RIMBP2: variants seen among roughly 807,000 people sequenced by gnomAD.
The protein encoded by RIMBP2 is RIMS binding protein 2.
RIMBP2 carries 48 observed loss-of-function variants against 118.6 expected under a neutral mutation model. The ratio of observed to expected loss-of-function variants is 0.40; its 90% CI spans 0.32 to 0.51. The LOEUF (loss-of-function observed/expected upper bound fraction) is 0.51, where lower values mean the gene tolerates loss of function less well. Ranked by LOEUF, RIMBP2 falls within the 20% of genes least tolerant of loss-of-function variation. RIMBP2 has a pLI of 0.41. For missense variants in RIMBP2, 1,551 were observed against 1,768.3 expected, an observed-to-expected ratio of 0.88 and a Z score of 2.20; for synonymous variants, 762 against 742.9, an observed-to-expected ratio of 1.03 and a Z score of -0.42.
At chr12:130,650,746 A>G (rs1469144804) in intron 1 of RIMBP2, among the ~76,000 whole-genome samples, 1 of 151,862 alleles carries the variant, frequency 6.6e-6, no homozygotes, top group African/African-American at 2.4e-5. Context: ...TGTTTTCTTA[A>G]CCGATCATTG....
chr12:130,598,556 ATC>A (rs1483891247), intron 2 of RIMBP2, among the ~76,000 whole-genome samples: 3 of 152,054 alleles, frequency 2.0e-5, no homozygotes, highest in Non-Finnish European at 2.9e-5. Context: ...GTGAAACCCC[ATC>A]TCTACTAAAA....
In RIMBP2 at chr12:130,412,599, G is replaced by A. The variant is rs761976370; in HGVS notation, c.3589+20C>T. On this transcript the variant is annotated intron_variant, in intron 19 of 22. Coordinates refer to ENST00000690449, the MANE Select transcript of RIMBP2 (RefSeq NM_001393629.1). ...TGGGATAAAATGCACAGGGAAGGTC[G>A]AATAGGGGTTTGCGCTTACCTATTT... 6.8e-6 allele frequency: 11 copies of A among 1,609,406 alleles called. No individual in the cohort carries two copies. Among genetic ancestry groups the A allele is most frequent in the Admixed American group, 1.7e-5 (1 of 59,710 alleles).
chr12:130,596,855 G>T (rs1252351710), intron 2 of RIMBP2, among the ~76,000 whole-genome samples: 1 of 152,182 alleles, frequency 6.6e-6, no homozygotes, highest in Non-Finnish European at 1.5e-5. Flanking sequence ...ACATTAAATG[G>T]ATGAATTTCG....
intron 2 of RIMBP2, among the ~76,000 whole-genome samples, chr12:130,553,110 A>C (rs1212939881): frequency 1.3e-5 from 2 of 151,140 alleles, no homozygotes; most frequent in African/African-American, 2.4e-5. Context: ...CCGAGATCGC[A>C]CCACTGCACT....
chr12:130,660,780 C>G (rs2063625552), intron 1 of RIMBP2: 1 of 152,214 alleles, frequency 6.6e-6, no homozygotes, highest in South Asian at 2.1e-4. Context: ...CCCCTTGAAC[C>G]CATGTGCAAT....
chr12:130,624,570 C>G (rs1357449335), intron 2 of RIMBP2, among the ~76,000 whole-genome samples: 4 of 152,172 alleles, frequency 2.6e-5, no homozygotes, highest in Admixed American at 1.3e-4. Context: ...GAATTAGGAA[C>G]AGGAAATATT....
chr12:130,411,951 G>T (rs1248678302), intron 19 of RIMBP2, among the ~76,000 whole-genome samples: 1 of 152,006 alleles, frequency 6.6e-6, no homozygotes, highest in Non-Finnish European at 1.5e-5. Flanking sequence ...CCTTAAATAT[G>T]AATGATATAA....
intron 2 of RIMBP2, among the ~76,000 whole-genome samples, chr12:130,535,773 A>G (rs1026663591): frequency 5.4e-5 from 5 of 92,278 alleles, no homozygotes; most frequent in African/African-American, 1.7e-4. Flanking sequence ...ATATATATAT[A>G]TATATATATA....
chr12:130,585,236 C>A (rs950951345), intron 2 of RIMBP2, among the ~76,000 whole-genome samples: 78 of 152,078 alleles, frequency 5.1e-4, no homozygotes, highest in African/African-American at 1.9e-3. Context: ...GTGGGTGTAA[C>A]CATGTCCCCC....
chr12:130,615,276 C>CATATATGTATATATATATATATATAT (rs1555309136), intron 2 of RIMBP2, among the ~76,000 whole-genome samples: 35 of 100,262 alleles, frequency 3.5e-4, no homozygotes, highest in African/African-American at 1.3e-3. Context: ...AATACACATA[C>CATATATGTATATATATATATATATAT]ATATATATAT....
At chr12:130,507,069 A>G (rs1180039074) in intron 3 of RIMBP2, among the ~76,000 whole-genome samples, 1 of 152,114 alleles carries the variant, frequency 6.6e-6, no homozygotes, top group Non-Finnish European at 1.5e-5. Context: ...CATCCCCTGG[A>G]TGTGGTGATT....
At chr12:130,586,409 G>T (rs141420181) in intron 2 of RIMBP2, among the ~76,000 whole-genome samples, 1 of 152,158 alleles carries the variant, frequency 6.6e-6, no homozygotes, top group Non-Finnish European at 1.5e-5. Context: ...CCAAGATAAC[G>T]CCACAGCACT....
At chr12:130,546,226 C>T (rs149294967) in intron 2 of RIMBP2, among the ~76,000 whole-genome samples, 134 of 151,998 alleles carry the variant, frequency 8.8e-4, no homozygotes, top group Non-Finnish European at 1.7e-3. Flanking sequence ...GCCTCAGCCA[C>T]CCGAGTAGCT....
chr12:130,632,594 G>A (rs150149466), intron 1 of RIMBP2, among the ~76,000 whole-genome samples: 8 of 152,152 alleles, frequency 5.3e-5, no homozygotes, highest in East Asian at 3.9e-4. Context: ...TCCTGTCCTC[G>A]GCTCGGCCTA....
chr12:130,455,138 C>G (rs1026769863), intron 7 of RIMBP2, among the ~76,000 whole-genome samples: 3 of 152,232 alleles, frequency 2.0e-5, no homozygotes, highest in Admixed American at 6.5e-5. Context: ...CGGAGTGGGG[C>G]TCTGTGTGGC....
chr12:130,649,936 G>A (rs975639475), intron 1 of RIMBP2, among the ~76,000 whole-genome samples: 11 of 152,138 alleles, frequency 7.2e-5, no homozygotes, highest in Admixed American at 7.2e-4. Context: ...AGACTCCAAA[G>A]TCAAGCCTTG....
Position 130,469,384 on chromosome 12 carries a change from G to C in RIMBP2, c.153+1309C>G, listed in dbSNP as rs1049652572. ...CTCAGAGGCGGATTGAAGCCACACA[G>C]GGTCATGTCAATGGGCTCCGGGGCA... On this transcript the variant is annotated intron_variant, in intron 6 of 22. Transcript: ENST00000690449. This position sits in a 1 kb window ranked among gnomAD's most constrained non-coding sequence, Gnocchi z 4.8. Among the ~76,000 whole-genome samples the C allele has an allele frequency of 2.6e-5, 4 of 152,162 alleles. No individual in the cohort carries two copies. The highest frequency in any genetic ancestry group is 2.6e-4 in the Admixed American group (4 of 15,280).
At position 130,523,744 on chromosome 12, in the gene RIMBP2, G is replaced by A. The variant is rs1042668907; in HGVS notation, c.-216-5827C>T. On this transcript the variant is annotated intron_variant, in intron 2 of 22. Transcript: ENST00000690449. This position sits in a 1 kb window ranked among gnomAD's most constrained non-coding sequence, Gnocchi z 4.4. ...TCAGCAGGGGGCCCTGAGTGAGTGG[G>A]TGAGGAGCACCCTCTGCCCCCAGCC... 6.6e-6 allele frequency among the ~76,000 whole-genome samples: 1 copy of A among 152,216 alleles called. No homozygotes were observed. The highest frequency in any genetic ancestry group is 1.5e-5 in the Non-Finnish European group (1 of 68,040).
intron 2 of RIMBP2, among the ~76,000 whole-genome samples, chr12:130,528,467 A>G (rs187496957): frequency 1.3e-5 from 2 of 152,298 alleles, no homozygotes; most frequent in East Asian, 1.9e-4. Flanking sequence ...AGGGTAGGGG[A>G]AGGGAGAGAA....
Sources: gnomAD v4.1 joint callset for allele counts (sites outside exome capture counted in the v4.1 genomes callset) on GRCh38, gnomAD v4.1.1 for gene constraint, Gnocchi (gnomAD v3.1) non-coding constraint, MANE v1.5 for transcripts, NCBI Gene and HGNC (gene_info 2026-07-23, HGNC 2026-07-21) for gene names.